The following ANKRD26 variants were observed in gnomAD, a reference collection of about 807,000 sequenced individuals.
ANKRD26 encodes ankyrin repeat domain-containing protein 26.
Under a neutral mutation model 208.7 loss-of-function variants are expected in ANKRD26, and 141 were observed. The ratio of observed to expected loss-of-function variants is 0.68; its 90% CI spans 0.59 to 0.78. The LOEUF is 0.78. ANKRD26 is among the 30% of genes least tolerant of loss of function. The probability of loss-of-function intolerance (pLI) is 0.00; values close to 1 mark genes in which losing one functional copy is unlikely to be tolerated. For missense variants in ANKRD26, 1,889 were observed against 1,938.7 expected (o/e 0.97, Z 0.48); for synonymous variants, 636 against 660.4 (o/e 0.96, Z 0.57).
downstream of ANKRD26, among the ~76,000 whole-genome samples, chr10:26,972,071 T>TA (rs560503229): frequency 3.3e-4 from 50 of 151,920 alleles, 1 homozygote; most frequent in East Asian, 9.5e-3. Context: ...CCGTCTCTAC[T>TA]AAAAATACAA....
downstream of ANKRD26, among the ~76,000 whole-genome samples, chr10:26,999,946 GGTT>G (rs904925328): frequency 6.6e-6 from 1 of 151,998 alleles, no homozygotes; most frequent in African/African-American, 2.4e-5. Flanking sequence ...AAGACCAGCT[GGTT>G]GTTAAAACTT....
At chr10:27,024,009 A>ACACACACACACACACACACACACAC (rs1554775241) in intron 28 of ANKRD26, among the ~76,000 whole-genome samples, 4 of 44,978 alleles carry the variant, frequency 8.9e-5, no homozygotes, top group Non-Finnish European at 2.9e-4. Flanking sequence ...CACACACACA[A>ACACACACACACACACACACACACAC]AGAGGCAGAA....
the ANKRD26 span, among the ~76,000 whole-genome samples, chr10:26,963,446 G>C: frequency 6.6e-6 from 1 of 152,298 alleles, no homozygotes; most frequent in Non-Finnish European, 1.5e-5. Context: ...TGCAGTGTCT[G>C]GGGGAGCACC....
intron 31 of ANKRD26, among the ~76,000 whole-genome samples, chr10:27,013,549 ACAT>A (rs545356284): frequency 2.6e-5 from 4 of 152,234 alleles, no homozygotes; most frequent in South Asian, 2.1e-4. Flanking sequence ...TATATCAAAA[ACAT>A]CATGTTTTGA....
chr10:26,971,243 C>G (rs114401265), downstream of ANKRD26, among the ~76,000 whole-genome samples: 1,409 of 152,190 alleles, frequency 9.3e-3, 24 homozygotes, highest in African/African-American at 0.032. Flanking sequence ...ATTAGCCGAG[C>G]TTGGTGGTGT....
chr10:26,951,013 C>CTTTTCTTTTTTTTT, the ANKRD26 span, among the ~76,000 whole-genome samples: 24 of 100,910 alleles, frequency 2.4e-4, 2 homozygotes, highest in Admixed American at 6.1e-4. Context: ...CTTTTCTTTT[C>CTTTTCTTTTTTTTT]TTTTTCTTTT....
At chr10:27,042,676 C>A (rs1171028055) in intron 20 of ANKRD26, among the ~76,000 whole-genome samples, 5 of 151,750 alleles carry the variant, frequency 3.3e-5, no homozygotes, top group Admixed American at 6.6e-5. Context: ...TAGCGTGAAC[C>A]CAGGAGGCAG....
Position 27,006,926 on chromosome 10 carries a change from GT to G in ANKRD26, c.4989del (p.Glu1663AspfsTer14). The G allele has an allele frequency of 6.2e-7, 1 of 1,609,022 alleles. No individual in the cohort carries two copies. Among genetic ancestry groups the G allele is most frequent in the South Asian group, 1.1e-5 (1 of 90,860 alleles). ...QQELEKNITR[E>X]LKEAAAELES... ...AAGTTTGGCAACATACCTTCTTTGA[GT>G]TCTCTAGTTATATTTTTTTCCAACT... On this transcript the variant is annotated frameshift_variant, in exon 33 of 34. Coordinates refer to ENST00000376087, the MANE Select transcript of ANKRD26 (RefSeq NM_014915.3). LOFTEE classifies it low-confidence loss of function (END_TRUNC).
At chr10:26,968,941 G>T (rs146458310), downstream of ANKRD26, among the ~76,000 whole-genome samples, 210 of 152,228 alleles carry the variant, frequency 1.4e-3, 1 homozygote, top group African/African-American at 4.9e-3. Flanking sequence ...TTACCTAGAG[G>T]GTACCTGCCC....
At chr10:26,974,915 T>G (rs924643645) in exon 6 of ANKRD26, among the ~76,000 whole-genome samples, 4 of 148,774 alleles carry the variant, frequency 2.7e-5, no homozygotes, top group African/African-American at 1.0e-4. Context: ...CAGTCTTTTC[T>G]CTCTCACTAT....
the ANKRD26 span, among the ~76,000 whole-genome samples, chr10:26,951,013 C>CTTTTTTTTTTTTTTTTTTT: frequency 3.3e-4 from 33 of 100,910 alleles, no homozygotes; most frequent in African/African-American, 1.1e-3. Context: ...CTTTTCTTTT[C>CTTTTTTTTTTTTTTTTTTT]TTTTTCTTTT....
the ANKRD26 span, among the ~76,000 whole-genome samples, chr10:26,958,757 GCT>G: frequency 1.6e-5 from 2 of 125,818 alleles, no homozygotes; most frequent in East Asian, 1.4e-3. Flanking sequence ...TGTAAACAGT[GCT>G]GCAATGAACA....
In ANKRD26 at chr10:27,066,484, T is replaced by C. The variant is rs770314193; in HGVS notation, c.1269+3A>G. The C allele has an allele frequency of 1.9e-6, 3 of 1,578,922 alleles. No homozygotes were observed. Among genetic ancestry groups the C allele is most frequent in the Non-Finnish European group, 2.6e-6 (3 of 1,154,944 alleles). On this transcript the variant is annotated splice_donor_region_variant and intron_variant, in intron 11 of 33. Transcript: ENST00000376087. ...AAATAATAGTAACAACCATAGAAAG[T>C]ACCTCAGAATCCCAAGGTGATTCTA...
the ANKRD26 span, among the ~76,000 whole-genome samples, chr10:26,966,525 G>A: frequency 6.6e-6 from 1 of 152,056 alleles, no homozygotes; most frequent in African/African-American, 2.4e-5. Flanking sequence ...TGGGTCAATA[G>A]GTGCAGCAAA....
chr10:26,991,647 G>A (rs2134669414), downstream of ANKRD26, among the ~76,000 whole-genome samples: 1 of 152,180 alleles, frequency 6.6e-6, no homozygotes, highest in South Asian at 2.1e-4. Flanking sequence ...CTCCTTTTTG[G>A]TCAGGCTGGT....
the ANKRD26 span, among the ~76,000 whole-genome samples, chr10:26,951,592 C>T: frequency 9.9e-5 from 15 of 152,140 alleles, no homozygotes; most frequent in Admixed American, 9.2e-4. Flanking sequence ...TACTTAATAG[C>T]TTTTAATGGA....
chr10:27,086,638 T>C (rs1003642863), intron 4 of ANKRD26, 29 bp from the exon 5 acceptor site: 1 of 1,581,994 alleles, frequency 6.3e-7, no homozygotes, highest in Non-Finnish European at 8.6e-7. Flanking sequence ...AACAAAATTA[T>C]GTTAATACTG....
the ANKRD26 span, among the ~76,000 whole-genome samples, chr10:26,960,353 G>A: frequency 9.2e-3 from 1,405 of 152,320 alleles, 22 homozygotes; most frequent in African/African-American, 0.032. Context: ...GCCACGTGGA[G>A]AGGCTCTGAG....
chr10:27,023,276 A>T (rs1284942786), intron 28 of ANKRD26, among the ~76,000 whole-genome samples: 2 of 151,818 alleles, frequency 1.3e-5, no homozygotes, highest in African/African-American at 4.8e-5. Flanking sequence ...CAGGAGGTGG[A>T]GGTTGCAGTG....
Sources: gnomAD v4.1 joint callset for allele counts (sites outside exome capture counted in the v4.1 genomes callset) on GRCh38, gnomAD v4.1.1 for gene constraint, MANE v1.5 for transcripts, NCBI Gene and HGNC (gene_info 2026-07-23, HGNC 2026-07-21) for gene names.